The following ARL9 variants were observed in gnomAD, a reference collection of about 807,000 sequenced individuals.
ARL9 encodes ADP-ribosylation factor-like protein 9.
Under a neutral mutation model 27.0 loss-of-function variants are expected in ARL9, and 14 were observed. The observed-to-expected ratio is 0.52, with a 90% CI of 0.34 to 0.81. The LOEUF is 0.81. Among genes scored for constraint, ARL9 ranks in the 30% least tolerant of loss-of-function variants. The pLI is 0.01. For missense variants in ARL9, 294 were observed against 290.0 expected (o/e 1.01, Z -0.10); for synonymous variants, 106 against 108.7 (o/e 0.98, Z 0.15).
intron 1 of ARL9, among the ~76,000 whole-genome samples, chr4:56,508,045 T>C (rs954422779): frequency 1.3e-5 from 2 of 151,956 alleles, no homozygotes; most frequent in Admixed American, 1.3e-4. Context: ...TCAGAGATAT[T>C]AAAATGTGGA....
rs912982925 is a variant in ARL9, at chr4:56,512,642, C to A, written c.442+1295C>A. Among the ~76,000 whole-genome samples, 20 of 151,132 alleles carry A rather than the reference C, an allele frequency of 1.3e-4. 1 individual carries two copies. Among genetic ancestry groups the A allele is most frequent in the Admixed American group, 9.3e-4 (14 of 15,090 alleles). ...GCAACCTCTGCCTCCTGGGTTCAAG[C>A]GATTCTCTTGCCTCAGTCTCCTGAG... On this transcript the variant is annotated intron_variant, in intron 2 of 3. Coordinates refer to ENST00000640821, the MANE Select transcript of ARL9 (RefSeq NM_001363794.2).
chr4:56,505,768 G>T, upstream of ARL9: 1 of 1,376,474 alleles, frequency 7.3e-7, no homozygotes, highest in South Asian at 1.7e-5. Flanking sequence ...CTACGTCTCT[G>T]TCGGGCGTGC....
chr4:56,516,040 C>T (rs1484689722), intron 2 of ARL9, among the ~76,000 whole-genome samples: 1 of 151,992 alleles, frequency 6.6e-6, no homozygotes, highest in Admixed American at 6.6e-5. Context: ...TGTCAAGTAT[C>T]AAATCTTATT....
At chr4:56,505,219 T>G, upstream of ARL9, 1 of 324,956 alleles carries the variant, frequency 3.1e-6, no homozygotes, top group Non-Finnish European at 6.2e-6. Context: ...CTATTTGTCT[T>G]TAATAATCCT....
intron 2 of ARL9, among the ~76,000 whole-genome samples, chr4:56,513,406 A>G (rs1392535911): frequency 6.6e-6 from 1 of 152,240 alleles, no homozygotes; most frequent in Non-Finnish European, 1.5e-5. Flanking sequence ...TCTCTAAAAA[A>G]TTCTTGTAGT....
chr4:56,523,905 G>A lies in ARL9; in HGVS notation c.*29G>A, dbSNP rs373601518. 65 of 1,585,302 alleles carry A rather than the reference G, an allele frequency of 4.1e-5. No homozygotes were observed. The highest frequency in any genetic ancestry group is 2.0e-4 in the East Asian group (9 of 44,584). On this transcript the variant is annotated 3_prime_UTR_variant, in exon 4 of 4. Coordinates refer to ENST00000640821, the MANE Select transcript of ARL9 (RefSeq NM_001363794.2). ...GGACTCAGCCCACTGTGCGGCTCAC[G>A]ACTGAGATGTCATCAGTGTTGAATG...
rs373645686 is a variant in ARL9 at position 56,509,267 on chromosome 4, C to T, written c.280-1918C>T. Among the ~76,000 whole-genome samples, 169 of 144,526 alleles carry T rather than the reference C, an allele frequency of 1.2e-3. No homozygotes were observed. The South Asian group carries it at 0.013, about 11-fold the overall frequency. The allele number at this position is 144,526 out of a possible 152,430, so 94.8% of individuals were successfully genotyped here. ...CCAGGCTGGAGTGCAGTGGTGTCAT[C>T]TCAGCTCCTGCAACCTCCACCTCCC... On this transcript the variant is annotated intron_variant, in intron 1 of 3. Transcript: ENST00000640821.
At chr4:56,512,324 A>G (rs905775722) in intron 2 of ARL9, among the ~76,000 whole-genome samples, 4 of 151,530 alleles carry the variant, frequency 2.6e-5, no homozygotes, top group African/African-American at 9.7e-5. Context: ...TAAAATCCAG[A>G]GTCTTTGTTA....
chr4:56,523,311 C>G (rs1425570973), intron 3 of ARL9, among the ~76,000 whole-genome samples: 1 of 152,150 alleles, frequency 6.6e-6, no homozygotes, highest in African/African-American at 2.4e-5. Flanking sequence ...ATTGCTTGAA[C>G]GTGGGAGGCG....
rs539572636 is a variant in ARL9 at position 56,523,729 on chromosome 4, C to T, written c.651C>T (p.Ile217=). Residue 217 remains isoleucine, a synonymous_variant, in exon 4 of 4, where the codon ATC becomes ATT. Transcript: ENST00000640821. The part of the protein sequence containing the change: ...DLEAAYHITD[I]HEALALSEVG... ...AAGCAGCCTATCACATTACAGATATCCATGAAGCTTTGGCATTATCTGAAG... is the reference window on the plus strand; with the variant it reads ...AAGCAGCCTATCACATTACAGATATTCATGAAGCTTTGGCATTATCTGAAG... 2.5e-6 allele frequency: 4 copies of T among 1,613,800 alleles called. No individual in the cohort carries two copies. The highest frequency in any genetic ancestry group is 2.2e-5 in the East Asian group (1 of 44,876).
intron 3 of ARL9, among the ~76,000 whole-genome samples, chr4:56,521,646 G>A (rs1721921578): frequency 6.6e-6 from 1 of 152,150 alleles, no homozygotes; most frequent in Admixed American, 6.5e-5. Flanking sequence ...GGTATTATCA[G>A]ACTTTTTCAT....
chr4:56,515,907 T>C (rs902809713), intron 2 of ARL9, among the ~76,000 whole-genome samples: 1 of 152,194 alleles, frequency 6.6e-6, no homozygotes, highest in Admixed American at 6.5e-5. Flanking sequence ...TTCCAATCAA[T>C]AGCTCAACAA....
chr4:56,522,177 T>G (rs1040759843), intron 3 of ARL9, among the ~76,000 whole-genome samples: 1 of 152,010 alleles, frequency 6.6e-6, no homozygotes, highest in African/African-American at 2.4e-5. Context: ...TCCCAGCACT[T>G]TGGAAGGCCA....
chr4:56,514,957 A>G (rs1234972909), intron 2 of ARL9, among the ~76,000 whole-genome samples: 1 of 152,198 alleles, frequency 6.6e-6, no homozygotes, highest in Non-Finnish European at 1.5e-5. Context: ...TTGGTTTAAC[A>G]TTTGAAAAAT....
intron 1 of ARL9, among the ~76,000 whole-genome samples, chr4:56,508,042 T>C (rs1030090545): frequency 2.0e-5 from 3 of 151,938 alleles, no homozygotes; most frequent in Non-Finnish European, 2.9e-5. Context: ...ATTTCAGAGA[T>C]ATTAAAATGT....
Position 56,505,906 on chromosome 4 carries a change from C to G in ARL9, c.44C>G (p.Thr15Arg). ...AAGAAGAAAGAGAAGGAAAAGGAGACGCAGGAGGAGAAAATCGGAGAAAAG... is the reference window on the plus strand; with the variant it reads ...AAGAAGAAAGAGAAGGAAAAGGAGAGGCAGGAGGAGAAAATCGGAGAAAAG... Reference protein sequence around the residue: ...KVKKKEKEKETQEEKIGEKGR... With the variant: ...KVKKKEKEKERQEEKIGEKGR... Residue 15 changes from threonine to arginine, a missense_variant, in exon 1 of 4, where the codon ACG (threonine) becomes AGG (arginine). Thr to Arg is a moderately conservative substitution (Grantham distance 71, BLOSUM62 -1). Coordinates refer to ENST00000640821, the MANE Select transcript of ARL9 (RefSeq NM_001363794.2). 8.0e-7 allele frequency: 1 copy of G among 1,245,250 alleles called. No individual in the cohort carries two copies. 77.1% of individuals were successfully genotyped at this position (1,245,250 alleles called of 1,614,324 possible).
intron 2 of ARL9, among the ~76,000 whole-genome samples, chr4:56,517,430 C>T (rs930772873): frequency 3.3e-5 from 5 of 152,338 alleles, no homozygotes; most frequent in Middle Eastern, 3.4e-3. Flanking sequence ...CTCTCTGTTG[C>T]AACCACTCAA....
At chr4:56,509,196 T>TC (rs1553949435) in intron 1 of ARL9, among the ~76,000 whole-genome samples, 1 of 132,178 alleles carries the variant, frequency 7.6e-6, no homozygotes, top group African/African-American at 3.0e-5. Context: ...TTTCTTTTTC[T>TC]TTTTCTTTTT....
chr4:56,518,963 T>C (rs1031988143), intron 3 of ARL9, 110 bp downstream of exon 3: 17 of 1,096,048 alleles, frequency 1.6e-5, no homozygotes, highest in Non-Finnish European at 1.9e-5. Context: ...ACTCAGTTTA[T>C]GTTTATTAGA....
Sources: gnomAD v4.1 joint callset for allele counts (sites outside exome capture counted in the v4.1 genomes callset) on GRCh38, gnomAD v4.1.1 for gene constraint, MANE v1.5 for transcripts, NCBI Gene and HGNC (gene_info 2026-07-23, HGNC 2026-07-21) for gene names.